PHLPP1: variants seen among roughly 807,000 people sequenced by gnomAD.
The protein encoded by PHLPP1 is PH domain leucine-rich repeat-containing protein phosphatase 1.
Under a neutral mutation model 117.2 loss-of-function variants are expected in PHLPP1, and 42 were observed. The ratio of observed to expected loss-of-function variants is 0.36; its 90% CI spans 0.28 to 0.46. The LOEUF is 0.46. PHLPP1 is among the 20% of genes least tolerant of loss of function. The pLI is 1.00. For synonymous variants in PHLPP1, 1,042 were observed against 970.7 expected (o/e 1.07, Z -1.37); for missense variants, 2,084 against 2,241.9 (o/e 0.93, Z 1.42).
chr18:62,728,239 G>A (rs989117245), intron 1 of PHLPP1, among the ~76,000 whole-genome samples: 1 of 151,486 alleles, frequency 6.6e-6, no homozygotes, highest in African/African-American at 2.4e-5. Flanking sequence ...AAATTGTAGT[G>A]AGCCGAGATG....
intron 10 of PHLPP1, among the ~76,000 whole-genome samples, chr18:62,927,437 C>T (rs1159136472): frequency 2.0e-5 from 3 of 151,898 alleles, no homozygotes; most frequent in Non-Finnish European, 4.4e-5. Flanking sequence ...GACAACATTC[C>T]CAGCAAAATT....
chr18:62,716,970 C>G lies in PHLPP1; in HGVS notation c.1287C>G (p.Ala429=), dbSNP rs915682044. ...GGGCCATTGACAGCCCGGGCGGGGC[C>G]GTCCGCGAGGGGTCGTGCGAGGAGA... ...APRAIDSPGG[A]VREGSCEEKA... Residue 429 remains alanine (A), a synonymous_variant, in exon 1 of 17, where the codon GCC becomes GCG. Coordinates refer to ENST00000262719, the MANE Select transcript of PHLPP1 (RefSeq NM_194449.4). The surrounding 1 kb of genome is among the most constrained non-coding windows in gnomAD (Gnocchi z 5.7). 3.9e-6 allele frequency: 6 copies of G among 1,540,054 alleles called. 1 individual carries two copies. The highest frequency in any genetic ancestry group is 8.7e-7 in the Non-Finnish European group (1 of 1,146,046).
intron 1 of PHLPP1, among the ~76,000 whole-genome samples, chr18:62,746,998 A>G (rs1027103203): frequency 1.2e-4 from 18 of 152,080 alleles, no homozygotes; most frequent in Non-Finnish European, 2.6e-4. Context: ...AAAATATTCC[A>G]TGTCTGTTTT....
At chr18:62,755,206 C>T (rs35710006) in intron 1 of PHLPP1, among the ~76,000 whole-genome samples, 9,480 of 152,012 alleles carry the variant, frequency 0.062, 340 homozygotes, top group Middle Eastern at 0.089. Flanking sequence ...TCATTCTGTG[C>T]AGATACGTGA....
chr18:62,904,788 G>A (rs1916804868), intron 7 of PHLPP1, among the ~76,000 whole-genome samples: 1 of 152,236 alleles, frequency 6.6e-6, no homozygotes, highest in African/African-American at 2.4e-5. Flanking sequence ...AAAGTGTTCA[G>A]GAAGTGTTTC....
chr18:62,822,398 C>T (rs1237661358), intron 1 of PHLPP1, among the ~76,000 whole-genome samples: 1 of 150,662 alleles, frequency 6.6e-6, no homozygotes, highest in Non-Finnish European at 1.5e-5. Flanking sequence ...TCTCCTGCCT[C>T]AGCATCCTGA....
intron 1 of PHLPP1, among the ~76,000 whole-genome samples, chr18:62,807,648 C>G (rs570368782): frequency 2.0e-5 from 3 of 152,242 alleles, no homozygotes; most frequent in African/African-American, 7.2e-5. Context: ...TGGTATATAG[C>G]CTTTTGCTCC....
chr18:62,853,320 A>G (rs935797044), intron 3 of PHLPP1, among the ~76,000 whole-genome samples: 2 of 151,140 alleles, frequency 1.3e-5, no homozygotes, highest in South Asian at 2.1e-4. Context: ...TTAATTTACT[A>G]ACTCAATTAG....
At chr18:62,912,315 T>A (rs4347727) in intron 8 of PHLPP1, among the ~76,000 whole-genome samples, 1 of 122,032 alleles carries the variant, frequency 8.2e-6, no homozygotes, top group Non-Finnish European at 1.9e-5. Flanking sequence ...AAAAAAAAAA[T>A]TAAAAAAAAA....
intron 1 of PHLPP1, among the ~76,000 whole-genome samples, chr18:62,817,741 A>T (rs1358616840): frequency 6.6e-6 from 1 of 152,156 alleles, no homozygotes; most frequent in Admixed American, 6.5e-5. Context: ...AACATGAAGT[A>T]TGCTAAGAAG....
At position 62,979,912 on chromosome 18, in the gene PHLPP1, T is replaced by C. The variant is rs1192153970; in HGVS notation, c.*481T>C. ...GAAAATAATAGACATTTGTAGAATA[T>C]GGAGACTAACTCCTAGGAGTTGCTT... On this transcript the variant is annotated 3_prime_UTR_variant, in exon 17 of 17. Coordinates refer to ENST00000262719, the MANE Select transcript of PHLPP1 (RefSeq NM_194449.4). The C allele has an allele frequency of 1.9e-5, 3 of 158,638 alleles. No individual in the cohort carries two copies. The highest frequency in any genetic ancestry group is 2.8e-5 in the Non-Finnish European group (2 of 72,116). The allele number at this position is 158,638 out of a possible 1,614,324, so 9.8% of individuals were successfully genotyped here.
chr18:62,754,670 A>G (rs1185763490), intron 1 of PHLPP1, among the ~76,000 whole-genome samples: 1 of 152,200 alleles, frequency 6.6e-6, no homozygotes, highest in Admixed American at 6.5e-5. Context: ...CTGCTTAGCT[A>G]TTGTATCAAA....
intron 13 of PHLPP1, among the ~76,000 whole-genome samples, chr18:62,961,960 A>C (rs1355995075): frequency 6.6e-6 from 1 of 152,208 alleles, no homozygotes; most frequent in Non-Finnish European, 1.5e-5. Flanking sequence ...TACTTCTTAG[A>C]GCTTTAACTG....
At chr18:62,874,657 G>GCGCGCA (rs1402811825) in intron 4 of PHLPP1, among the ~76,000 whole-genome samples, 112 of 147,712 alleles carry the variant, frequency 7.6e-4, no homozygotes, top group Non-Finnish European at 1.2e-4. Flanking sequence ...ACGCACGCGC[G>GCGCGCA]CACACACACA....
rs1020810851 is a variant in PHLPP1, at chr18:62,811,089, T to C, written c.1577-18946T>C. On this transcript the variant is annotated intron_variant, in intron 1 of 16. Transcript: ENST00000262719. Reference sequence around the variant, plus strand: ...TTGGAAAAACCTATTGGTGTTTTGCTGGGTTTGAGAATGTCCGGAAAAGTT... The same window carrying C: ...TTGGAAAAACCTATTGGTGTTTTGCCGGGTTTGAGAATGTCCGGAAAAGTT... Among the ~76,000 whole-genome samples the C allele has an allele frequency of 2.6e-4, 39 of 152,214 alleles. 1 individual carries two copies. Among genetic ancestry groups the C allele is most frequent in the Non-Finnish European group, 1.5e-4 (10 of 68,028 alleles).
chr18:62,828,008 TTGTGTGTGTGTGTG>T (rs34088259), intron 1 of PHLPP1, among the ~76,000 whole-genome samples: 22 of 146,756 alleles, frequency 1.5e-4, no homozygotes, highest in South Asian at 1.1e-3. Flanking sequence ...TTCTTTGCAT[TTGTGTGTGTGTGTG>T]TGTGTGTGTG....
chr18:62,723,937 G>A (rs1200210445), intron 1 of PHLPP1, among the ~76,000 whole-genome samples: 1 of 152,168 alleles, frequency 6.6e-6, no homozygotes, highest in East Asian at 1.9e-4. Context: ...TCATTAGAGA[G>A]CCTGTTTTTT....
chr18:62,815,732 A>G (rs1914253255), intron 1 of PHLPP1, among the ~76,000 whole-genome samples: 1 of 152,240 alleles, frequency 6.6e-6, no homozygotes, highest in Admixed American at 6.5e-5. Flanking sequence ...CCAGTCACTA[A>G]GTGCAGTACA....
chr18:62,795,203 C>T (rs774513149), intron 1 of PHLPP1, among the ~76,000 whole-genome samples: 11 of 151,936 alleles, frequency 7.2e-5, no homozygotes, highest in Admixed American at 1.3e-4. Context: ...ACTGGCCGGG[C>T]GCGATGGCTC....
Sources: gnomAD v4.1 joint callset for allele counts (sites outside exome capture counted in the v4.1 genomes callset) on GRCh38, gnomAD v4.1.1 for gene constraint, Gnocchi (gnomAD v3.1) non-coding constraint, MANE v1.5 for transcripts, NCBI Gene and HGNC (gene_info 2026-07-23, HGNC 2026-07-21) for gene names.